The following ERBB4 variants were observed in gnomAD, a reference collection of about 807,000 sequenced individuals.
The protein encoded by ERBB4 is erb-b2 receptor tyrosine kinase 4, also known as receptor tyrosine-protein kinase erbB-4.
A neutral mutation model predicts 158.0 loss-of-function variants in ERBB4; 42 were observed. The ratio of observed to expected loss-of-function variants is 0.27; its 90% CI spans 0.21 to 0.34. ERBB4 has a LOEUF of 0.34. Ranked by LOEUF, ERBB4 falls within the 10% of genes least tolerant of loss-of-function variation. ERBB4 has a pLI of 1.00. For synonymous variants in ERBB4, 583 were observed against 558.7 expected (o/e 1.04, Z -0.61); for missense variants, 1,333 against 1,624.1 (o/e 0.82, Z 3.08).
chr2:212,162,281 A>T (rs928453179), intron 1 of ERBB4, among the ~76,000 whole-genome samples: 2 of 151,864 alleles, frequency 1.3e-5, no homozygotes, highest in Admixed American at 1.3e-4. Context: ...ACATAGATAA[A>T]CCTTAAAAAC....
intron 25 of ERBB4, among the ~76,000 whole-genome samples, chr2:211,389,475 A>C (rs1219571106): frequency 6.6e-6 from 1 of 152,194 alleles, no homozygotes; most frequent in African/African-American, 2.4e-5. Context: ...TAACTAACTT[A>C]GTCTGCTGGA....
chr2:211,711,527 A>G (rs534848180), intron 9 of ERBB4, among the ~76,000 whole-genome samples: 2 of 152,304 alleles, frequency 1.3e-5, no homozygotes, highest in Admixed American at 1.3e-4. Flanking sequence ...ATTTAGCAGC[A>G]TCTCTTACAG....
At chr2:211,959,355 A>T (rs1240543187) in intron 2 of ERBB4, among the ~76,000 whole-genome samples, 1 of 152,122 alleles carries the variant, frequency 6.6e-6, no homozygotes, top group Non-Finnish European at 1.5e-5. Context: ...ATTTACAATA[A>T]CTTGCAAGTG....
intron 20 of ERBB4, among the ~76,000 whole-genome samples, chr2:211,469,066 A>G (rs766861298): frequency 1.3e-5 from 2 of 151,970 alleles, no homozygotes; most frequent in Non-Finnish European, 2.9e-5. Flanking sequence ...CAGAGACCTG[A>G]TCCCGCATGT....
intron 1 of ERBB4, among the ~76,000 whole-genome samples, chr2:212,201,446 T>A (rs1038901387): frequency 7.9e-5 from 12 of 152,144 alleles, no homozygotes; most frequent in African/African-American, 2.9e-4. Flanking sequence ...TCTGGACTGT[T>A]ATAAGGTGGA....
intron 3 of ERBB4, among the ~76,000 whole-genome samples, chr2:211,946,576 C>CT (rs56007115): frequency 0.037 from 1,842 of 49,574 alleles, 402 homozygotes; most frequent in African/African-American, 0.071. Context: ...AATTAGCTCT[C>CT]TTTTTTTTTT....
chr2:211,703,881 T>C (rs947026531), intron 11 of ERBB4, among the ~76,000 whole-genome samples: 1 of 152,200 alleles, frequency 6.6e-6, no homozygotes, highest in African/African-American at 2.4e-5. Context: ...AAAATACTAA[T>C]ATTATTTTGA....
chr2:212,516,777 A>C (rs1691869848), intron 1 of ERBB4, among the ~76,000 whole-genome samples: 1 of 152,128 alleles, frequency 6.6e-6, no homozygotes, highest in South Asian at 2.1e-4. Context: ...ATATAGATTC[A>C]AATCATTGAA....
At chr2:211,852,672 G>C (rs1353258695) in intron 3 of ERBB4, among the ~76,000 whole-genome samples, 1 of 136,904 alleles carries the variant, frequency 7.3e-6, no homozygotes, top group Non-Finnish European at 1.6e-5. Flanking sequence ...TCACTAAGCT[G>C]TCTATCCACT....
intron 2 of ERBB4, among the ~76,000 whole-genome samples, chr2:211,992,671 C>A (rs1324132168): frequency 6.6e-6 from 1 of 151,914 alleles, no homozygotes; most frequent in African/African-American, 2.4e-5. Flanking sequence ...TTCCTATGGA[C>A]CCAGACTCTC....
intron 20 of ERBB4, among the ~76,000 whole-genome samples, chr2:211,449,317 T>C (rs1396487877): frequency 1.3e-5 from 2 of 152,174 alleles, no homozygotes; most frequent in African/African-American, 4.8e-5. Flanking sequence ...TTAACTGTTT[T>C]GTAAAATTTA....
rs374937522 is a variant in ERBB4, at chr2:211,639,942, C to A, written c.1947-9348G>T. On this transcript the variant is annotated intron_variant, in intron 16 of 27. Transcript: ENST00000342788. ...TTCACCATGTTGGCCAGGCTGGTCT[C>A]GAACTCCTGACCTCAGGTGATCTGC... Among the ~76,000 whole-genome samples the A allele has an allele frequency of 2.0e-5, 3 of 152,018 alleles. No individual in the cohort carries two copies. In the South Asian group the frequency reaches 6.2e-4, roughly 32 times the overall value.
chr2:211,546,913 T>G (rs2066954879), intron 20 of ERBB4, among the ~76,000 whole-genome samples: 1 of 152,078 alleles, frequency 6.6e-6, no homozygotes, highest in Non-Finnish European at 1.5e-5. Context: ...AAGGCTTGAG[T>G]GCATTTAGAA....
At chr2:211,843,398 C>T (rs2077517739) in intron 3 of ERBB4, among the ~76,000 whole-genome samples, 1 of 141,248 alleles carries the variant, frequency 7.1e-6, no homozygotes, top group Admixed American at 7.3e-5. Flanking sequence ...CAGGCTGGTG[C>T]ACATGTGCGT....
At chr2:211,415,262 G>A (rs1237128883) in intron 25 of ERBB4, among the ~76,000 whole-genome samples, 4 of 151,754 alleles carry the variant, frequency 2.6e-5, no homozygotes, top group East Asian at 3.9e-4. Flanking sequence ...GACCACAGGC[G>A]CCCGCCACCA....
intron 25 of ERBB4, among the ~76,000 whole-genome samples, chr2:211,404,242 C>CT (rs2063103435): frequency 6.6e-6 from 1 of 152,040 alleles, no homozygotes; most frequent in Admixed American, 6.6e-5. Context: ...ATCAGTGCTA[C>CT]TGAACAGTCA....
intron 16 of ERBB4, among the ~76,000 whole-genome samples, chr2:211,656,501 A>G (rs1375606121): frequency 1.3e-5 from 2 of 152,268 alleles, no homozygotes; most frequent in Non-Finnish European, 2.9e-5. Flanking sequence ...TGATTGAAGT[A>G]TAATTTATAT....
intron 1 of ERBB4, among the ~76,000 whole-genome samples, chr2:212,263,486 A>G (rs1196356660): frequency 6.6e-6 from 1 of 152,108 alleles, no homozygotes; most frequent in African/African-American, 2.4e-5. Flanking sequence ...TTCACAGCGG[A>G]CTTCTATGCA....
At chr2:212,369,715 A>T (rs1207419422) in intron 1 of ERBB4, among the ~76,000 whole-genome samples, 2 of 151,890 alleles carry the variant, frequency 1.3e-5, no homozygotes, top group Non-Finnish European at 2.9e-5. Flanking sequence ...ATTTTGTGGG[A>T]ACAGGGTCTC....
Sources: allele counts gnomAD v4.1 joint callset (sites outside exome capture counted in the v4.1 genomes callset), GRCh38; gene constraint gnomAD v4.1.1; transcripts MANE v1.5; gene names NCBI Gene and HGNC (gene_info 2026-07-23, HGNC 2026-07-21).